The following MATR3 variants were observed in gnomAD, a reference collection of about 807,000 sequenced individuals.
MATR3 encodes the protein matrin-3.
In MATR3, 4 loss-of-function variants were observed where a neutral mutation model predicts 85.5. That is an observed-to-expected ratio of 0.05 (90% confidence interval 0.02 to 0.11). The LOEUF (loss-of-function observed/expected upper bound fraction) is 0.11, where lower values mean the gene tolerates loss of function less well. Among genes scored for constraint, MATR3 ranks in the 10% least tolerant of loss-of-function variants. The pLI is 1.00. For synonymous variants in MATR3, 336 were observed against 343.1 expected (o/e 0.98, Z 0.23); for missense variants, 685 against 1,016.1 (o/e 0.67, Z 4.43).
In MATR3 at chr5:139,326,251, T is replaced by C. The variant is rs1271177846; in HGVS notation, c.2460T>C (p.His820=). 5 of 1,613,580 alleles carry C rather than the reference T, an allele frequency of 3.1e-6. No homozygotes were observed. The highest frequency in any genetic ancestry group is 3.3e-5 in the Admixed American group (2 of 59,988). ...ATGAAGAAGTTGCAAAGAATACTCATTGCAGCAGCCTTCCTCATTATCAGA... is the reference window on the plus strand; with the variant it reads ...ATGAAGAAGTTGCAAAGAATACTCACTGCAGCAGCCTTCCTCATTATCAGA... ...YTNEEVAKNT[H]CSSLPHYQKL... is the part of the protein sequence containing the mutation. The change falls in exon 14 of 15, where the codon CAT becomes CAC. Residue 820 remains histidine (H), a synonymous_variant. Coordinates refer to ENST00000394805, the MANE Select transcript of MATR3 (RefSeq NM_018834.6).
intron 9 of MATR3, among the ~76,000 whole-genome samples, chr5:139,320,219 G>GA (rs1367165082): frequency 1.3e-5 from 2 of 151,806 alleles, no homozygotes; most frequent in Non-Finnish European, 2.9e-5. Context: ...TGAGGCAGGA[G>GA]AATGGCATGA....
Position 139,280,934 on chromosome 5 carries a change from T to A in MATR3, c.-178+1805T>A, listed in dbSNP as rs551934105. On this transcript the variant is annotated intron_variant, in intron 3 of 16. Transcript: ENST00000509990. Reference sequence around the variant, plus strand: ...GGATTTCCTACTTGATAAATAAAGTTACTCACCTACTTATCCCTGTCGATT... The same window carrying A: ...GGATTTCCTACTTGATAAATAAAGTAACTCACCTACTTATCCCTGTCGATT... 5.3e-5 allele frequency among the ~76,000 whole-genome samples: 8 copies of A among 152,340 alleles called. No individual in the cohort carries two copies. In the South Asian group the frequency reaches 1.7e-3, roughly 32 times the overall value.
intron 2 of MATR3, chr5:139,311,191 G>C (rs1754953685): frequency 6.6e-6 from 1 of 152,118 alleles, no homozygotes; most frequent in African/African-American, 2.4e-5. Context: ...CTTGTCACTT[G>C]AGTTTATATT....
rs2151959474 is a variant in MATR3 at position 139,307,252 on chromosome 5, T to C, written c.-164T>C. On this transcript the variant is annotated 5_prime_UTR_variant, in exon 2 of 15. Transcript: ENST00000394805. The surrounding 1 kb of genome is among the most constrained non-coding windows in gnomAD (Gnocchi z 4.4). ...ATTTTTCTACAGAGTTGTCTGCTGG[T>C]TCTCAGCTTGAAGAAGATTCTGCAG... 3 of 1,325,548 alleles carry C rather than the reference T, an allele frequency of 2.3e-6. No homozygotes were observed. In the South Asian group the frequency reaches 7.2e-5, roughly 32 times the overall value. The allele number at this position is 1,325,548 out of a possible 1,614,324, so 82.1% of individuals were successfully genotyped here.
intron 14 of MATR3, among the ~76,000 whole-genome samples, chr5:139,328,759 T>C (rs1755982136): frequency 6.6e-6 from 1 of 152,186 alleles, no homozygotes; most frequent in African/African-American, 2.4e-5. Flanking sequence ...CCCAGCACTT[T>C]GGGAGGCGGG....
chr5:139,291,957 T>C (rs984122138), upstream of MATR3: 13 of 142,822 alleles, frequency 9.1e-5, no homozygotes, highest in Non-Finnish European at 1.7e-4. Flanking sequence ...TTTTTTTTTT[T>C]TTTTTTTGAG....
intron 1 of MATR3, among the ~76,000 whole-genome samples, chr5:139,274,788 A>C (rs1052392963): frequency 6.6e-6 from 1 of 151,690 alleles, no homozygotes; most frequent in African/African-American, 2.4e-5. Context: ...TACAAAACTT[A>C]GCTGGGCGTG....
intron 9 of MATR3, among the ~76,000 whole-genome samples, chr5:139,320,914 ATTTT>A (rs5871694): frequency 1.7e-5 from 2 of 118,234 alleles, no homozygotes; most frequent in African/African-American, 6.4e-5. Context: ...CGCCTGGCTA[ATTTT>A]TTTTTTTTTT....
chr5:139,315,583 C>G (rs1413498095), intron 3 of MATR3, 114 bp from the exon 4 acceptor site: 4 of 735,132 alleles, frequency 5.4e-6, no homozygotes, highest in Non-Finnish European at 9.9e-6. Flanking sequence ...GTTTCTAACA[C>G]TTAGACTCTC....
Position 139,325,543 on chromosome 5 carries a change from CTGA to C in MATR3, c.2257_2259del (p.Asp753del), listed in dbSNP as rs1016579955. ...CCAGGTGCTGAATCTTCTGAGAACG[CTGA>C]TGATCCCAACAAAGATACAAGTGAA... On this transcript the variant is annotated inframe_deletion, in exon 13 of 15. Coordinates refer to ENST00000394805, the MANE Select transcript of MATR3 (RefSeq NM_018834.6). 22 of 1,614,012 alleles carry C rather than the reference CTGA, an allele frequency of 1.4e-5. No individual in the cohort carries two copies. The highest frequency in any genetic ancestry group is 1.8e-5 in the Non-Finnish European group (21 of 1,180,034).
intron 10 of MATR3, 35 bp from the exon 11 acceptor site, chr5:139,322,428 A>T: frequency 1.2e-5 from 19 of 1,575,754 alleles, no homozygotes; most frequent in South Asian, 8.9e-5. Context: ...GTATTCTGCA[A>T]ATGTGTTAAC....
chr5:139,298,435 G>T (rs1754273385), intron 1 of MATR3, among the ~76,000 whole-genome samples: 1 of 152,148 alleles, frequency 6.6e-6, no homozygotes, highest in Admixed American at 6.6e-5. Flanking sequence ...AGCGGGTCGT[G>T]ATGGCGCGTT....
intron 9 of MATR3, among the ~76,000 whole-genome samples, chr5:139,320,200 T>TG (rs1359558831): frequency 6.6e-6 from 1 of 151,742 alleles, no homozygotes; most frequent in Non-Finnish European, 1.5e-5. Context: ...TCCCAGCTGT[T>TG]GGGGAGGCTG....
chr5:139,316,336 C>T, intron 5 of MATR3, 148 bp downstream of exon 5: 1 of 658,566 alleles, frequency 1.5e-6, no homozygotes, highest in Non-Finnish European at 2.7e-6. Context: ...ACCTCTGCCT[C>T]CTGGGTGCAA....
At chr5:139,323,336 C>T (rs1755675412) in intron 12 of MATR3, among the ~76,000 whole-genome samples, 1 of 151,938 alleles carries the variant, frequency 6.6e-6, no homozygotes, top group Non-Finnish European at 1.5e-5. Context: ...ACTGACCCAA[C>T]ATAGTTAAAA....
At position 139,326,216 on chromosome 5, in the gene MATR3, T is replaced by C. The variant is rs756651076; in HGVS notation, c.2425T>C (p.Phe809Leu). 1.2e-6 allele frequency: 2 copies of C among 1,612,694 alleles called. No individual in the cohort carries two copies. The highest frequency in any genetic ancestry group is 1.7e-6 in the Non-Finnish European group (2 of 1,179,000). Residue 809 changes from phenylalanine to leucine, a missense_variant, in exon 14 of 15, where the codon TTT (phenylalanine) becomes CTT (leucine). Coordinates refer to ENST00000394805, the MANE Select transcript of MATR3 (RefSeq NM_018834.6). ...GTTTTACTGTAAGCTGTGTTCACTC[T>C]TTTATACAAATGAAGAAGTTGCAAA... is the stretch of plus-strand genomic sequence containing the variant. ...TGFYCKLCSL[F>L]YTNEEVAKNT...
intron 1 of MATR3, among the ~76,000 whole-genome samples, chr5:139,302,840 A>T (rs1457100614): frequency 6.6e-6 from 1 of 152,242 alleles, no homozygotes; most frequent in Non-Finnish European, 1.5e-5. Flanking sequence ...TGGCCTTGAT[A>T]GAACATTTGG....
At chr5:139,278,173 A>G (rs983770328) in intron 2 of MATR3, among the ~76,000 whole-genome samples, 12 of 152,108 alleles carry the variant, frequency 7.9e-5, no homozygotes, top group Non-Finnish European at 1.5e-4. Flanking sequence ...TTGAGACTAC[A>G]GTGAACCATG....
At chr5:139,323,446 A>T (rs535281617) in intron 12 of MATR3, among the ~76,000 whole-genome samples, 1 of 152,354 alleles carries the variant, frequency 6.6e-6, no homozygotes, top group South Asian at 2.1e-4. Flanking sequence ...TTTTATTTGA[A>T]CAAGTAAGTC....
Sources: gnomAD v4.1 joint callset for allele counts (sites outside exome capture counted in the v4.1 genomes callset) on GRCh38, gnomAD v4.1.1 for gene constraint, Gnocchi (gnomAD v3.1) non-coding constraint, MANE v1.5 for transcripts, NCBI Gene and HGNC (gene_info 2026-07-23, HGNC 2026-07-21) for gene names.